IQCM: variants seen among roughly 807,000 people sequenced by gnomAD.
The protein encoded by IQCM is IQ domain-containing protein M.
In IQCM, 45 loss-of-function variants were observed where a neutral mutation model predicts 57.6. The ratio of observed to expected loss-of-function variants is 0.78; its 90% CI spans 0.62 to 1.00. The LOEUF (loss-of-function observed/expected upper bound fraction) is 1.00. Among genes scored for constraint, IQCM ranks in the 50% least tolerant of loss-of-function variants. The pLI is 0.00. For missense variants in IQCM, 468 were observed against 511.6 expected (o/e 0.91, Z 0.82); for synonymous variants, 148 against 158.9 (o/e 0.93, Z 0.51).
At chr4:149,617,575 C>T (rs1017008712) in intron 8 of IQCM, among the ~76,000 whole-genome samples, 6 of 152,216 alleles carry the variant, frequency 3.9e-5, no homozygotes, top group Non-Finnish European at 8.8e-5. Context: ...GGTGTCCACT[C>T]CAGTACACCC....
At position 149,489,250 on chromosome 4, in the gene IQCM, G is replaced by A. The variant is rs544704079; in HGVS notation, c.1229-55693C>T. Among the ~76,000 whole-genome samples, 6 of 152,146 alleles carry A rather than the reference G, an allele frequency of 3.9e-5. No individual in the cohort carries two copies. In the South Asian group the frequency reaches 6.2e-4, roughly 16 times the overall value. On this transcript the variant is annotated intron_variant, in intron 12 of 13. Coordinates refer to ENST00000636793, the MANE Select transcript of IQCM (RefSeq NM_001363507.2). ...TTCAACTGCATTTTTTTAAAATTTC[G>A]AACTAAACACAAAATGTCCAGCATA...
At chr4:149,622,638 TAAG>T (rs1472371170) in intron 7 of IQCM, among the ~76,000 whole-genome samples, 6 of 152,176 alleles carry the variant, frequency 3.9e-5, no homozygotes, top group Admixed American at 6.5e-5. Context: ...TTTTAGTACC[TAAG>T]AAGAAGATAG....
chr4:149,811,230 T>A (rs916746912), intron 2 of IQCM, among the ~76,000 whole-genome samples: 1 of 152,256 alleles, frequency 6.6e-6, no homozygotes, highest in African/African-American at 2.4e-5. Context: ...ATGAAAAAAA[T>A]TCATCTTTGA....
rs550003446 is a variant in IQCM at position 149,651,473 on chromosome 4, A to G, written c.566-30229T>C. 5.4e-4 allele frequency among the ~76,000 whole-genome samples: 82 copies of G among 152,270 alleles called. 1 individual carries two copies. In the South Asian group the frequency reaches 0.015, roughly 28 times the overall value. On this transcript the variant is annotated intron_variant, in intron 7 of 13. Transcript: ENST00000636793. ...TCATGCACATACACAAATTTGTGTC[A>G]TTACAAGTGTTTCCCATTCACCTGG...
chr4:149,423,070 G>A (rs1301848774), intron 13 of IQCM, among the ~76,000 whole-genome samples: 1 of 151,934 alleles, frequency 6.6e-6, no homozygotes, highest in Non-Finnish European at 1.5e-5. Flanking sequence ...TATTTTAGAA[G>A]GGCTGGTTAT....
intron 11 of IQCM, among the ~76,000 whole-genome samples, chr4:149,551,870 T>A (rs1749067256): frequency 1.5e-5 from 1 of 66,756 alleles, no homozygotes; most frequent in Non-Finnish European, 2.8e-5. Flanking sequence ...ATCTTCTCTA[T>A]CACTGCCTCT....
intron 8 of IQCM, among the ~76,000 whole-genome samples, chr4:149,608,230 T>C (rs890382712): frequency 1.3e-5 from 2 of 151,938 alleles, no homozygotes; most frequent in Non-Finnish European, 2.9e-5. Flanking sequence ...TTCCAAATTA[T>C]ATTCATCCAA....
At chr4:149,741,029 T>C (rs1767409687) in intron 3 of IQCM, among the ~76,000 whole-genome samples, 1 of 152,174 alleles carries the variant, frequency 6.6e-6, no homozygotes, top group East Asian at 1.9e-4. Flanking sequence ...TTTCATTACA[T>C]GTAAGTGAAG....
At chr4:149,559,841 A>G (rs755167543) in intron 10 of IQCM, among the ~76,000 whole-genome samples, 8 of 152,170 alleles carry the variant, frequency 5.3e-5, no homozygotes, top group Non-Finnish European at 1.2e-4. Context: ...CAGGAGGTGA[A>G]TTGTGGGTGA....
chr4:149,508,851 T>A (rs556752878), intron 12 of IQCM, among the ~76,000 whole-genome samples: 1 of 152,104 alleles, frequency 6.6e-6, no homozygotes, highest in Non-Finnish European at 1.5e-5. Context: ...AATACCCACA[T>A]TGTGGGAAAG....
At chr4:149,360,092 T>A (rs190705061) in intron 13 of IQCM, among the ~76,000 whole-genome samples, 7 of 152,210 alleles carry the variant, frequency 4.6e-5, no homozygotes, top group African/African-American at 1.7e-4. Flanking sequence ...TAACACAGTA[T>A]CAGGATCTGC....
intron 12 of IQCM, among the ~76,000 whole-genome samples, chr4:149,543,361 G>T (rs376723330): frequency 6.6e-6 from 1 of 152,066 alleles, no homozygotes; most frequent in African/African-American, 2.4e-5. Context: ...CATATTGACA[G>T]AAAAACTTAG....
intron 12 of IQCM, among the ~76,000 whole-genome samples, chr4:149,481,804 G>A (rs1740925607): frequency 7.1e-6 from 1 of 141,626 alleles, no homozygotes; most frequent in Non-Finnish European, 1.5e-5. Context: ...AAATTTATGT[G>A]AAGAATGTCA....
intron 2 of IQCM, among the ~76,000 whole-genome samples, chr4:149,774,246 C>A (rs2149994617): frequency 6.6e-6 from 1 of 151,994 alleles, no homozygotes; most frequent in East Asian, 1.9e-4. Context: ...ACAATTTTAA[C>A]CTTAAGTGTT....
In IQCM at chr4:149,763,239, G is replaced by A. The variant is rs115806251; in HGVS notation, c.-48-20500C>T. 7.0e-3 allele frequency among the ~76,000 whole-genome samples: 1,057 copies of A among 152,000 alleles called. 9 individuals are homozygous for A. Among genetic ancestry groups the A allele is most frequent in the Non-Finnish European group, 0.011 (770 of 67,932 alleles). On this transcript the variant is annotated intron_variant, in intron 2 of 13. Transcript: ENST00000636793. ...TATAGCATGATTTATATGACATCAG[G>A]AAGAACAAACAAAAAAAGCCTAGTT... is the stretch of plus-strand genomic sequence containing the variant.
At chr4:149,653,274 T>C (rs541097063) in intron 7 of IQCM, among the ~76,000 whole-genome samples, 1 of 152,244 alleles carries the variant, frequency 6.6e-6, no homozygotes, top group Admixed American at 6.5e-5. Context: ...CAAACCTCCA[T>C]TGCACGTTTC....
chr4:149,382,279 G>A (rs1463375688), intron 13 of IQCM, among the ~76,000 whole-genome samples: 2 of 152,226 alleles, frequency 1.3e-5, no homozygotes, highest in Admixed American at 6.5e-5. Context: ...TTGTGGGGGT[G>A]CAGTTGGGGA....
At chr4:149,727,585 C>T (rs531900992) in intron 5 of IQCM, among the ~76,000 whole-genome samples, 1 of 152,160 alleles carries the variant, frequency 6.6e-6, no homozygotes, top group Non-Finnish European at 1.5e-5. Context: ...GGTTGCTTAA[C>T]TGTCCGAAAC....
intron 11 of IQCM, among the ~76,000 whole-genome samples, chr4:149,550,065 A>G (rs1579453894): frequency 6.6e-6 from 1 of 152,292 alleles, no homozygotes; most frequent in South Asian, 2.1e-4. Flanking sequence ...TTGACTTTCA[A>G]TTGCCAGCAT....
Sources: allele counts gnomAD v4.1 joint callset (sites outside exome capture counted in the v4.1 genomes callset), GRCh38; gene constraint gnomAD v4.1.1; transcripts MANE v1.5; gene names NCBI Gene and HGNC (gene_info 2026-07-23, HGNC 2026-07-21).